The following RIT2 variants were observed in gnomAD, a reference collection of about 807,000 sequenced individuals.
RIT2 encodes GTP-binding protein Rit2.
A neutral mutation model predicts 23.7 loss-of-function variants in RIT2; 24 were observed. The ratio of observed to expected loss-of-function variants is 1.01; its 90% CI spans 0.73 to 1.43. RIT2 has a LOEUF of 1.43. RIT2 is among the 40% of genes most tolerant of loss of function. The pLI, the probability that RIT2 is intolerant of heterozygous loss-of-function variation, is 0.00. For missense variants in RIT2, 236 were observed against 266.9 expected (o/e 0.88, Z 0.81); for synonymous variants, 107 against 91.1 (o/e 1.17, Z -0.99).
intron 3 of RIT2, among the ~76,000 whole-genome samples, chr18:42,938,142 T>A (rs1909507922): frequency 6.6e-6 from 1 of 152,198 alleles, no homozygotes; most frequent in South Asian, 2.1e-4. Flanking sequence ...TTCACTTGAT[T>A]CAACAGATGT....
intron 2 of RIT2, among the ~76,000 whole-genome samples, chr18:43,007,944 C>T (rs1156444122): frequency 6.6e-6 from 1 of 151,578 alleles, no homozygotes. Flanking sequence ...CACCATTTTG[C>T]AATTCTTTAT....
chr18:42,755,830 C>G (rs1256875365), intron 4 of RIT2, among the ~76,000 whole-genome samples: 2 of 152,158 alleles, frequency 1.3e-5, no homozygotes, highest in African/African-American at 4.8e-5. Flanking sequence ...AGATCAAAGA[C>G]AGTGGCTAGC....
At chr18:42,870,836 C>T (rs556934930) in intron 4 of RIT2, among the ~76,000 whole-genome samples, 6 of 152,226 alleles carry the variant, frequency 3.9e-5, no homozygotes, top group African/African-American at 1.2e-4. Flanking sequence ...TTAGGAAATT[C>T]GCTTTTAGCA....
chr18:42,875,373 G>T (rs1907720152), intron 4 of RIT2, among the ~76,000 whole-genome samples: 1 of 146,420 alleles, frequency 6.8e-6, no homozygotes. Flanking sequence ...CTACTTCATA[G>T]AATTTTTGTG....
intron 1 of RIT2, among the ~76,000 whole-genome samples, chr18:43,080,202 A>C (rs748184078): frequency 8.5e-5 from 13 of 152,304 alleles, no homozygotes; most frequent in Non-Finnish European, 1.5e-4. Flanking sequence ...TAGAGAATGT[A>C]TGCACATCAG....
At chr18:42,917,073 A>G (rs527406822) in intron 4 of RIT2, among the ~76,000 whole-genome samples, 2 of 152,262 alleles carry the variant, frequency 1.3e-5, no homozygotes, top group African/African-American at 4.8e-5. Flanking sequence ...AGGAGGCTCT[A>G]TGTAGCTGAG....
intron 1 of RIT2, among the ~76,000 whole-genome samples, chr18:43,114,083 T>C (rs1335193289): frequency 6.6e-6 from 1 of 152,206 alleles, no homozygotes; most frequent in Non-Finnish European, 1.5e-5. Flanking sequence ...CAAATCATTA[T>C]ATTTAGAGGA....
intron 4 of RIT2, among the ~76,000 whole-genome samples, chr18:42,879,666 C>A (rs73471665): frequency 0.025 from 3,831 of 151,942 alleles, 156 homozygotes; most frequent in African/African-American, 0.085. Context: ...TCCAAATTAT[C>A]TTTTAAATGT....
At chr18:43,042,668 G>T (rs1234446297) in intron 1 of RIT2, among the ~76,000 whole-genome samples, 1 of 152,148 alleles carries the variant, frequency 6.6e-6, no homozygotes, top group Non-Finnish European at 1.5e-5. Flanking sequence ...AATAGTATGT[G>T]TCAGACGCTG....
At chr18:42,884,574 C>G (rs1907973893) in intron 4 of RIT2, among the ~76,000 whole-genome samples, 1 of 152,132 alleles carries the variant, frequency 6.6e-6, no homozygotes, top group African/African-American at 2.4e-5. Context: ...TCCCCAGTAC[C>G]ACTTTCATTA....
At chr18:42,876,973 A>G (rs1907759510) in intron 4 of RIT2, among the ~76,000 whole-genome samples, 1 of 151,946 alleles carries the variant, frequency 6.6e-6, no homozygotes, top group African/African-American at 2.4e-5. Context: ...CTCCATTTTC[A>G]CTAGATGGAC....
intron 1 of RIT2, among the ~76,000 whole-genome samples, chr18:43,102,431 A>T (rs1197433928): frequency 7.2e-6 from 1 of 139,190 alleles, no homozygotes; most frequent in African/African-American, 2.7e-5. Flanking sequence ...CCTCACTCCA[A>T]CCCTCAGGAA....
chr18:42,815,831 GATAC>G (rs1905979377), intron 4 of RIT2, among the ~76,000 whole-genome samples: 1 of 152,042 alleles, frequency 6.6e-6, no homozygotes, highest in Non-Finnish European at 1.5e-5. Flanking sequence ...AGCAATCAGG[GATAC>G]AATAGTAACT....
chr18:42,758,620 T>A (rs1368882532), intron 4 of RIT2, among the ~76,000 whole-genome samples: 1 of 151,966 alleles, frequency 6.6e-6, no homozygotes, highest in African/African-American at 2.4e-5. Context: ...TTCAGGCAAT[T>A]CTCCTGCCTC....
At chr18:43,012,532 G>A (rs891783846) in intron 2 of RIT2, among the ~76,000 whole-genome samples, 2 of 151,504 alleles carry the variant, frequency 1.3e-5, no homozygotes, top group Admixed American at 1.3e-4. Context: ...GAAATAGAAA[G>A]GGTAGTATCT....
At chr18:43,078,761 C>A (rs532062249) in intron 1 of RIT2, among the ~76,000 whole-genome samples, 1 of 152,152 alleles carries the variant, frequency 6.6e-6, no homozygotes, top group Non-Finnish European at 1.5e-5. Context: ...GAGTTAAAGG[C>A]ATTGTCTCAG....
At chr18:42,876,675 A>C (rs1287568624) in intron 4 of RIT2, among the ~76,000 whole-genome samples, 1 of 151,938 alleles carries the variant, frequency 6.6e-6, no homozygotes, top group Non-Finnish European at 1.5e-5. Flanking sequence ...TATGTATTTA[A>C]AGATTCATGT....
chr18:42,930,008 T>C (rs1909286956), intron 3 of RIT2, among the ~76,000 whole-genome samples: 1 of 151,896 alleles, frequency 6.6e-6, no homozygotes, highest in Non-Finnish European at 1.5e-5. Flanking sequence ...GAGTATAGGG[T>C]GACAGACTGG....
chr18:43,073,617 A>G (rs1912946195), intron 1 of RIT2, among the ~76,000 whole-genome samples: 1 of 152,114 alleles, frequency 6.6e-6, no homozygotes, highest in Non-Finnish European at 1.5e-5. Context: ...TTAAACATGG[A>G]TTCGCTTTTG....
Sources: allele counts gnomAD v4.1 joint callset (sites outside exome capture counted in the v4.1 genomes callset), GRCh38; gene constraint gnomAD v4.1.1; transcripts MANE v1.5; gene names NCBI Gene and HGNC (gene_info 2026-07-23, HGNC 2026-07-21).